The following MSI2 variants were observed in gnomAD, a reference collection of about 807,000 sequenced individuals.
MSI2 encodes the protein musashi RNA binding protein 2.
In MSI2, 17 loss-of-function variants were observed where a neutral mutation model predicts 45.6. The ratio of observed to expected loss-of-function variants is 0.37; its 90% CI spans 0.26 to 0.56. MSI2 has a LOEUF of 0.56. MSI2 is among the 20% of genes least tolerant of loss of function. The pLI is 0.77. For synonymous variants in MSI2, 156 were observed against 158.2 expected (o/e 0.99, Z 0.11); for missense variants, 293 against 444.2 (o/e 0.66, Z 3.06).
intron 8 of MSI2, among the ~76,000 whole-genome samples, chr17:57,600,013 G>A: frequency 6.6e-6 from 1 of 152,292 alleles, no homozygotes; most frequent in East Asian, 1.9e-4. Context: ...TCTGAAGAAG[G>A]GTGGAATTTA....
chr17:57,697,536 T>C, the MSI2 span, among the ~76,000 whole-genome samples: 5 of 152,088 alleles, frequency 3.3e-5, no homozygotes, highest in Non-Finnish European at 5.9e-5. Flanking sequence ...GCCCTACCCA[T>C]CATTCAGTCA....
rs530180683 is a variant in MSI2 at position 57,543,029 on chromosome 17, T to A, written c.454+13305T>A. ...TAATCTATGACAAGAGGGTGGGCAC[T>A]CACCTTGGTCTCTGTCCTAATTTGC... On this transcript the variant is annotated intron_variant, in intron 7 of 13. Coordinates refer to ENST00000284073, the MANE Select transcript of MSI2 (RefSeq NM_138962.4). Among the ~76,000 whole-genome samples, 15 of 152,336 alleles carry A rather than the reference T, an allele frequency of 9.8e-5. No individual in the cohort carries two copies. The South Asian group carries it at 3.1e-3, about 32-fold the overall frequency.
chr17:57,424,147 G>A (rs938068780), intron 6 of MSI2, among the ~76,000 whole-genome samples: 12 of 152,190 alleles, frequency 7.9e-5, no homozygotes, highest in Admixed American at 5.2e-4. Flanking sequence ...CTCAGAGCTT[G>A]TTATTACCTG....
rs147864870 is a variant in MSI2 at position 57,363,078 on chromosome 17, T to C, written c.313-38301T>C. The stretch of plus-strand genomic sequence containing the variant: ...GTGTATACCCACATACATTGCAGCA[T>C]TATTCACAATAGCCAAAAGGTGGAA... On this transcript the variant is annotated intron_variant, in intron 5 of 13. Transcript: ENST00000284073. Among the ~76,000 whole-genome samples, 7 of 152,314 alleles carry C rather than the reference T, an allele frequency of 4.6e-5. No individual in the cohort carries two copies. The East Asian group carries it at 1.3e-3, about 29-fold the overall frequency.
chr17:57,285,711 C>A, intron 5 of MSI2: 1 of 604,600 alleles, frequency 1.7e-6, no homozygotes, highest in Non-Finnish European at 2.6e-6. Flanking sequence ...GTTACAGGAA[C>A]GTCTCCCCAA....
At chr17:57,393,110 T>A (rs910871136) in intron 5 of MSI2, among the ~76,000 whole-genome samples, 1 of 152,184 alleles carries the variant, frequency 6.6e-6, no homozygotes, top group Non-Finnish European at 1.5e-5. Flanking sequence ...TTCCCTATTA[T>A]GGACTTTCAT....
At chr17:57,690,375 C>G in the MSI2 span, among the ~76,000 whole-genome samples, 2 of 151,488 alleles carry the variant, frequency 1.3e-5, no homozygotes, top group Non-Finnish European at 2.9e-5. Context: ...CTTTCAGAGG[C>G]CAAGGCAGGA....
chr17:57,660,545 A>G (rs1408987552), intron 11 of MSI2, among the ~76,000 whole-genome samples: 2 of 152,190 alleles, frequency 1.3e-5, no homozygotes, highest in Admixed American at 6.5e-5. Context: ...AGATCTCCCA[A>G]CCTAGTGTGG....
At chr17:57,488,158 C>G (rs2040172797) in intron 6 of MSI2, among the ~76,000 whole-genome samples, 1 of 152,076 alleles carries the variant, frequency 6.6e-6, no homozygotes, top group Non-Finnish European at 1.5e-5. Flanking sequence ...CCTCATTCCT[C>G]CAGAGGGTGG....
chr17:57,333,249 A>G (rs1315833462), intron 5 of MSI2, among the ~76,000 whole-genome samples: 3 of 152,206 alleles, frequency 2.0e-5, no homozygotes, highest in African/African-American at 4.8e-5. Context: ...AAAGGTGTCT[A>G]GAACATATAA....
At chr17:57,439,975 T>C (rs1398483689) in intron 6 of MSI2, among the ~76,000 whole-genome samples, 3 of 152,132 alleles carry the variant, frequency 2.0e-5, no homozygotes, top group Non-Finnish European at 4.4e-5. Context: ...CTAGCTAAGA[T>C]TCAATACCAA....
intron 5 of MSI2, among the ~76,000 whole-genome samples, chr17:57,346,151 ATTTAT>A (rs1915578120): frequency 6.6e-6 from 1 of 152,056 alleles, no homozygotes; most frequent in South Asian, 2.1e-4. Flanking sequence ...CTTTTTGTTG[ATTTAT>A]TTTATCACCA....
chr17:57,514,098 TAATTTATATA>T (rs1404033235), intron 6 of MSI2, among the ~76,000 whole-genome samples: 1 of 152,180 alleles, frequency 6.6e-6, no homozygotes, highest in East Asian at 1.9e-4. Context: ...TTGTCTTTGT[TAATTTATATA>T]GGGAAGTGTA....
chr17:57,375,535 G>A (rs1010785652), intron 5 of MSI2, among the ~76,000 whole-genome samples: 1 of 152,210 alleles, frequency 6.6e-6, no homozygotes, highest in Admixed American at 6.5e-5. Flanking sequence ...ATGGGATCAC[G>A]GCGTGGGGAG....
chr17:57,582,372 C>T (rs946742963), intron 7 of MSI2, among the ~76,000 whole-genome samples: 2 of 151,840 alleles, frequency 1.3e-5, no homozygotes, highest in African/African-American at 2.4e-5. Flanking sequence ...TATTATAAAA[C>T]CTATACAAAT....
At chr17:57,527,335 C>T (rs901782518) in intron 6 of MSI2, among the ~76,000 whole-genome samples, 6 of 141,840 alleles carry the variant, frequency 4.2e-5, no homozygotes, top group African/African-American at 5.1e-5. Flanking sequence ...GAGATATGCT[C>T]ATATCACCAT....
At chr17:57,356,755 T>C (rs950510381) in intron 5 of MSI2, among the ~76,000 whole-genome samples, 1 of 152,226 alleles carries the variant, frequency 6.6e-6, no homozygotes, top group African/African-American at 2.4e-5. Context: ...CCTTTATAAG[T>C]TGGAGTCTTT....
intron 6 of MSI2, among the ~76,000 whole-genome samples, chr17:57,480,507 T>G (rs2143745138): frequency 6.6e-6 from 1 of 152,308 alleles, no homozygotes; most frequent in African/African-American, 2.4e-5. Flanking sequence ...GCAGAAGAGA[T>G]TTCTTGTCAC....
chr17:57,256,910 T>TCCCCC, intron 1 of MSI2, 106 bp downstream of exon 1: 1 of 249,968 alleles, frequency 4.0e-6, no homozygotes, highest in Non-Finnish European at 5.7e-6. Context: ...CCCCCGCCTC[T>TCCCCC]CCCGCGCGCC....
Sources: allele counts gnomAD v4.1 joint callset (sites outside exome capture counted in the v4.1 genomes callset), GRCh38; gene constraint gnomAD v4.1.1; transcripts MANE v1.5; gene names NCBI Gene and HGNC (gene_info 2026-07-23, HGNC 2026-07-21).